SCN2A: variants seen among roughly 807,000 people sequenced by gnomAD.
The protein encoded by SCN2A is sodium channel protein type 2 subunit alpha.
Under a neutral mutation model 188.7 loss-of-function variants are expected in SCN2A, and 20 were observed. The ratio of observed to expected loss-of-function variants is 0.11; its 90% CI spans 0.07 to 0.15. The LOEUF is 0.15. SCN2A is among the 10% of genes least tolerant of loss of function. The probability of loss-of-function intolerance (pLI) is 1.00; values close to 1 mark genes in which losing one functional copy is unlikely to be tolerated. For missense variants in SCN2A, 1,278 were observed against 2,445.0 expected, an observed-to-expected ratio of 0.52 and a Z score of 10.07; for synonymous variants, 804 against 833.1, an observed-to-expected ratio of 0.97 and a Z score of 0.60.
At chr2:165,306,343 A>G (rs1697129731) in intron 3 of SCN2A, among the ~76,000 whole-genome samples, 1 of 152,164 alleles carries the variant, frequency 6.6e-6, no homozygotes, top group African/African-American at 2.4e-5. Context: ...AATGGTGCCA[A>G]TCTGCCACGG....
chr2:165,299,690 C>G (rs1363419321), intron 3 of SCN2A, among the ~76,000 whole-genome samples: 7 of 152,074 alleles, frequency 4.6e-5, no homozygotes, highest in African/African-American at 1.7e-4. Flanking sequence ...TAATTTTGTC[C>G]TTTATTCCTC....
Position 165,315,472 on chromosome 2 carries a change from C to T in SCN2A, c.1385C>T (p.Ala462Val), listed in dbSNP as rs769825203. ...TCCACATACTTTGCGCCCTTCTAGG[C>T]GGCAGCTGCAGCCGCATCTGCTGAA... is the stretch of plus-strand genomic sequence containing the variant. ...QLKKQQEEAQ[A>V]AAAAASAESR... The change falls in exon 11 of 27, where the codon GCG (alanine) becomes GTG (valine). Residue 462 changes from alanine to valine, a missense_variant and splice_region_variant. Ala to Val is a moderately conservative substitution (Grantham distance 64). Transcript: ENST00000375437. The T allele has an allele frequency of 3.7e-5, 60 of 1,613,756 alleles. No individual in the cohort carries two copies. Among genetic ancestry groups the T allele is most frequent in the Non-Finnish European group, 4.5e-5 (53 of 1,179,752 alleles).
chr2:165,258,831 G>A (rs1416529790), intron 1 of SCN2A, among the ~76,000 whole-genome samples: 3 of 152,170 alleles, frequency 2.0e-5, no homozygotes, highest in Non-Finnish European at 4.4e-5. Context: ...ACTAACTGAG[G>A]AACATAAAAC....
At chr2:165,346,575 G>A (rs1370696243) in intron 16 of SCN2A, among the ~76,000 whole-genome samples, 2 of 152,166 alleles carry the variant, frequency 1.3e-5, no homozygotes, top group African/African-American at 2.4e-5. Context: ...AACACCAAAA[G>A]CAATGGTAAC....
intron 10 of SCN2A, 150 bp downstream of exon 10, chr2:165,314,258 T>C (rs975047612): frequency 6.7e-6 from 5 of 743,972 alleles, no homozygotes; most frequent in Non-Finnish European, 1.1e-5. Context: ...AAGAAGTTAT[T>C]ACTTTATTGC....
At chr2:165,359,789 C>T (rs1174655574) in intron 17 of SCN2A, among the ~76,000 whole-genome samples, 3 of 151,888 alleles carry the variant, frequency 2.0e-5, no homozygotes, top group Admixed American at 6.6e-5. Flanking sequence ...AATATAAGAA[C>T]AAAATGGGCC....
At chr2:165,377,427 G>A (rs1302394947) in intron 22 of SCN2A, among the ~76,000 whole-genome samples, 170 bp from the exon 23 acceptor site, 1 of 151,878 alleles carries the variant, frequency 6.6e-6, no homozygotes, top group Admixed American at 6.6e-5. Context: ...TAAATTTGAA[G>A]TATTTTCAAT....
chr2:165,374,634 A>C (rs538755055), intron 21 of SCN2A, 51 bp from the exon 22 acceptor site: 72 of 1,571,658 alleles, frequency 4.6e-5, no homozygotes, highest in Non-Finnish European at 5.9e-5. Context: ...AAAAATAAGT[A>C]AATATTTGTT....
At chr2:165,303,270 G>GTTTTTTTT (rs71028477) in intron 3 of SCN2A, among the ~76,000 whole-genome samples, 3,937 of 91,010 alleles carry the variant, frequency 0.043, 399 homozygotes, top group East Asian at 0.064. Flanking sequence ...TGTTATTTGA[G>GTTTTTTTT]TTTTTTTTTT....
At chr2:165,328,045 G>A (rs1359647711) in intron 13 of SCN2A, 1 of 152,230 alleles carries the variant, frequency 6.6e-6, no homozygotes, top group Middle Eastern at 3.4e-3. Flanking sequence ...GCAAAAGAGA[G>A]CAAGCATACA....
Position 165,331,449 on chromosome 2 carries a change from A to G in SCN2A, c.2269A>G (p.Met757Val). The G allele has an allele frequency of 6.2e-7, 1 of 1,613,822 alleles. No homozygotes were observed. The highest frequency in any genetic ancestry group is 1.1e-5 in the South Asian group (1 of 91,074). The change falls in exon 14 of 27, where the codon ATG becomes GTG. Residue 757 changes from methionine (M) to valine (V), a missense_variant. Coordinates refer to ENST00000375437, the MANE Select transcript of SCN2A (RefSeq NM_001040142.2). ...GAAACACCTTGTCAACCTGGTTGTAATGGACCCATTTGTTGACCTGGCCAT... is the reference window on the plus strand; with the variant it reads ...GAAACACCTTGTCAACCTGGTTGTAGTGGACCCATTTGTTGACCTGGCCAT... ...KVKHLVNLVV[M>V]DPFVDLAITI... is the part of the protein sequence containing the mutation.
chr2:165,367,184 T>C, intron 18 of SCN2A, 33 bp from the exon 19 acceptor site: 1 of 1,611,686 alleles, frequency 6.2e-7, no homozygotes, highest in Non-Finnish European at 8.5e-7. Flanking sequence ...AAAGAGTAAT[T>C]TTTTGTCTTC....
intron 1 of SCN2A, among the ~76,000 whole-genome samples, chr2:165,257,362 C>A (rs761585921): frequency 6.6e-6 from 1 of 152,200 alleles, no homozygotes; most frequent in South Asian, 2.1e-4. Flanking sequence ...TTCAGTTCCA[C>A]ACCACCAGAA....
At chr2:165,280,717 T>A (rs353113) in intron 1 of SCN2A, among the ~76,000 whole-genome samples, 2 of 152,040 alleles carry the variant, frequency 1.3e-5, no homozygotes, top group Non-Finnish European at 2.9e-5. Context: ...GGGCTTTGTT[T>A]GGAATTACAC....
At chr2:165,241,384 A>G (rs894342622) in intron 1 of SCN2A, among the ~76,000 whole-genome samples, 7 of 152,302 alleles carry the variant, frequency 4.6e-5, no homozygotes, top group African/African-American at 1.7e-4. Flanking sequence ...GGATGGCCAC[A>G]TGGCTTTCCC....
At chr2:165,296,221 G>A in intron 2 of SCN2A, 131 bp downstream of exon 2, 1 of 880,396 alleles carries the variant, frequency 1.1e-6, no homozygotes, top group Non-Finnish European at 1.9e-6. Flanking sequence ...GGATGGGCCT[G>A]ACCGTGTAAT....
chr2:165,337,776 C>G (rs1699080725), intron 14 of SCN2A, among the ~76,000 whole-genome samples: 1 of 152,086 alleles, frequency 6.6e-6, no homozygotes, highest in Admixed American at 6.6e-5. Context: ...ACCACCAGAA[C>G]TACACTACAA....
chr2:165,306,723 T>C (rs996107045), intron 3 of SCN2A, among the ~76,000 whole-genome samples: 1 of 152,094 alleles, frequency 6.6e-6, no homozygotes. Context: ...TAGATGCAAA[T>C]GAACTTTCTT....
rs1338800110 is a variant in SCN2A, at chr2:165,307,908, T to C, written c.447T>C (p.Ser149=). The C allele has an allele frequency of 6.2e-7, 1 of 1,609,874 alleles. No individual in the cohort carries two copies. The highest frequency in any genetic ancestry group is 8.5e-7 in the Non-Finnish European group (1 of 1,176,326). The part of the protein sequence containing the change: ...ILTNCVFMTM[S]NPPDWTKNVE... The stretch of plus-strand genomic sequence containing the variant: ...CCAACTGTGTATTTATGACCATGAG[T>C]AACCCTCCAGACTGGACAAAGAATG... Residue 149 remains serine, a synonymous_variant, in exon 4 of 27, where the codon AGT becomes AGC. Coordinates refer to ENST00000375437, the MANE Select transcript of SCN2A (RefSeq NM_001040142.2).
Sources: allele counts gnomAD v4.1 joint callset (sites outside exome capture counted in the v4.1 genomes callset), GRCh38; gene constraint gnomAD v4.1.1; transcripts MANE v1.5; gene names NCBI Gene and HGNC (gene_info 2026-07-23, HGNC 2026-07-21).